The following HTR2C variants were observed in gnomAD, a reference collection of about 807,000 sequenced individuals.
HTR2C encodes 5-hydroxytryptamine receptor 2C, also known as 5-hydroxytryptamine (serotonin) receptor 2C, G protein-coupled.
A neutral mutation model predicts 21.0 loss-of-function variants in HTR2C; 5 were observed. That is an observed-to-expected ratio of 0.24 (90% CI 0.12 to 0.50). The LOEUF is 0.50. Among genes scored for constraint, HTR2C ranks in the 20% least tolerant of loss-of-function variants. The pLI is 0.98. For missense variants in HTR2C, 271 were observed against 371.2 expected, an observed-to-expected ratio of 0.73 and a Z score of 2.22; for synonymous variants, 150 against 145.3, an observed-to-expected ratio of 1.03 and a Z score of -0.23.
At chrX:114,795,438 C>T (rs1203148858) in intron 4 of HTR2C, among the ~76,000 whole-genome samples, 2 of 110,731 alleles carry the variant, frequency 1.8e-5, no homozygotes, top group Non-Finnish European at 3.8e-5. Flanking sequence ...AAGTCCTTGC[C>T]CATGCCTATG....
chrX:114,888,537 CT>C (rs1556482173), intron 5 of HTR2C, among the ~76,000 whole-genome samples: 1 of 111,715 alleles, frequency 9.0e-6, no homozygotes, highest in East Asian at 2.8e-4. Context: ...AAATCCTTGA[CT>C]GGGAACTGGG....
At chrX:114,852,592 T>C (rs1474819658) in intron 5 of HTR2C, among the ~76,000 whole-genome samples, 3 of 111,697 alleles carry the variant, frequency 2.7e-5, no homozygotes, top group Non-Finnish European at 5.6e-5. Context: ...CACCCAACTT[T>C]ATCATGTAAA....
intron 4 of HTR2C, among the ~76,000 whole-genome samples, chrX:114,746,450 TG>T (rs1556426101): frequency 8.9e-6 from 1 of 112,024 alleles, no homozygotes; most frequent in African/African-American, 3.2e-5. Context: ...AATCAATTAA[TG>T]TTGATTAATT....
intron 4 of HTR2C, among the ~76,000 whole-genome samples, chrX:114,837,933 G>T (rs782280772): frequency 9.0e-6 from 1 of 110,933 alleles, no homozygotes; most frequent in Non-Finnish European, 1.9e-5. Context: ...AAAATTAAGG[G>T]CACTGCCTTT....
At chrX:114,702,606 A>G (rs1466950153) in intron 2 of HTR2C, among the ~76,000 whole-genome samples, 2 of 111,793 alleles carry the variant, frequency 1.8e-5, no homozygotes, top group Non-Finnish European at 3.8e-5. Context: ...CTGCAAAATC[A>G]TGCCAAATTC....
chrX:114,773,576 T>C (rs2070026672), intron 4 of HTR2C, among the ~76,000 whole-genome samples: 1 of 112,358 alleles, frequency 8.9e-6, no homozygotes, highest in South Asian at 3.6e-4. Context: ...TGTTTGTCAG[T>C]GCACTTTGGG....
intron 2 of HTR2C, among the ~76,000 whole-genome samples, chrX:114,631,946 G>A (rs1191796620): frequency 8.9e-6 from 1 of 111,810 alleles, no homozygotes; most frequent in African/African-American, 3.3e-5. Flanking sequence ...TAAACCCTTT[G>A]AAAGGTCTAT....
At chrX:114,728,219 A>T (rs2069501843) in intron 3 of HTR2C, among the ~76,000 whole-genome samples, 1 of 111,894 alleles carries the variant, frequency 8.9e-6, no homozygotes, top group African/African-American at 3.2e-5. Flanking sequence ...ATGTAAAGTT[A>T]TGTTTTCATT....
At chrX:114,612,565 A>G (rs1344973724) in intron 1 of HTR2C, among the ~76,000 whole-genome samples, 1 of 112,306 alleles carries the variant, frequency 8.9e-6, no homozygotes, top group Non-Finnish European at 1.9e-5. Flanking sequence ...TGATTTTCAA[A>G]TGTTGTTTCC....
intron 4 of HTR2C, among the ~76,000 whole-genome samples, chrX:114,847,670 G>A (rs782023840): frequency 1.8e-4 from 20 of 110,309 alleles, no homozygotes; most frequent in Non-Finnish European, 3.2e-4. Context: ...ACTGCTTAAC[G>A]GTATGCAGTT....
At chrX:114,648,269 A>G (rs1930433517) in intron 2 of HTR2C, among the ~76,000 whole-genome samples, 1 of 111,153 alleles carries the variant, frequency 9.0e-6, no homozygotes, top group African/African-American at 3.3e-5. Context: ...TCAAATGAAG[A>G]TCTTATGACT....
chrX:114,724,531 G>A (rs1315504240), intron 2 of HTR2C, among the ~76,000 whole-genome samples: 23 of 70,075 alleles, frequency 3.3e-4, no homozygotes, highest in Non-Finnish European at 5.4e-4. Context: ...AGTTAATATT[G>A]TTATGTGTGA....
In HTR2C at chrX:114,858,831, CAAATT is replaced by C. The variant is rs1342841086; in HGVS notation, c.550+10634_550+10638del. On this transcript the variant is annotated intron_variant, in intron 5 of 5. Transcript: ENST00000276198. Reference sequence around the variant, plus strand: ...GTAAGTTTTGTAAAATGTCTTTCATCAAATTAAATTCCCTTTTATTCTATATTTTC... The same window carrying C: ...GTAAGTTTTGTAAAATGTCTTTCATCAAATTCCCTTTTATTCTATATTTTC... Among the ~76,000 whole-genome samples, 3 of 110,212 alleles carry C rather than the reference CAAATT, an allele frequency of 2.7e-5. No individual in the cohort carries two copies. The Admixed American group carries it at 2.9e-4, about 11-fold the overall frequency.
At chrX:114,737,046 A>G (rs782687270) in intron 4 of HTR2C, among the ~76,000 whole-genome samples, 76 of 110,522 alleles carry the variant, frequency 6.9e-4, no homozygotes, top group African/African-American at 2.3e-3. Context: ...AAAGTATATG[A>G]ATAAATTTCC....
At chrX:114,770,244 T>C (rs1182906027) in intron 4 of HTR2C, among the ~76,000 whole-genome samples, 5 of 112,145 alleles carry the variant, frequency 4.5e-5, no homozygotes, top group African/African-American at 1.6e-4. Flanking sequence ...ATGTGTAAAT[T>C]AGTGTCTTCT....
chrX:114,696,875 GCT>G (rs1932295506), intron 2 of HTR2C, among the ~76,000 whole-genome samples: 1 of 110,915 alleles, frequency 9.0e-6, no homozygotes, highest in Non-Finnish European at 1.9e-5. Context: ...CATAGTAGTT[GCT>G]TATTAATGGA....
chrX:114,588,448 C>T (rs1927494270), intron 1 of HTR2C, among the ~76,000 whole-genome samples: 1 of 111,438 alleles, frequency 9.0e-6, no homozygotes, highest in African/African-American at 3.3e-5. Flanking sequence ...CAACAGCCAC[C>T]ATATATGGGT....
In HTR2C at chrX:114,806,366, C is replaced by CGTATATATACACACCATATATATACT. The variant is rs2070435110; in HGVS notation, c.350-41613_350-41612insCTGTATATATACACACCATATATATA. Among the ~76,000 whole-genome samples the CGTATATATACACACCATATATATACT allele has an allele frequency of 1.3e-4, 8 of 60,344 alleles. 1 individual carries two copies. Among genetic ancestry groups the CGTATATATACACACCATATATATACT allele is most frequent in the African/African-American group, 4.6e-4 (7 of 15,342 alleles). 52.4% of individuals were successfully genotyped at this position (60,344 alleles called of 115,157 possible). On this transcript the variant is annotated intron_variant, in intron 4 of 5. Transcript: ENST00000276198. ...ATATATATACACACCATATATATAC[C>CGTATATATACACACCATATATATACT]GTATATATACACACCATATATATAT...
chrX:114,717,102 G>A (rs1342513452), intron 2 of HTR2C, among the ~76,000 whole-genome samples: 1 of 109,999 alleles, frequency 9.1e-6, no homozygotes, highest in Non-Finnish European at 1.9e-5. Flanking sequence ...TTTTGAGACA[G>A]GGTCTGTTGC....
Sources: gnomAD v4.1 joint callset for allele counts (sites outside exome capture counted in the v4.1 genomes callset) on GRCh38, gnomAD v4.1.1 for gene constraint, MANE v1.5 for transcripts, NCBI Gene and HGNC (gene_info 2026-07-23, HGNC 2026-07-21) for gene names.